Variants in PCDHA8 observed in about 807,000 individuals in gnomAD.
PCDHA8 encodes protocadherin alpha-8.
Under a neutral mutation model 61.8 loss-of-function variants are expected in PCDHA8, and 53 were observed. The ratio of observed to expected loss-of-function variants is 0.86; its 90% CI spans 0.69 to 1.08. PCDHA8 has a LOEUF of 1.08. Among genes scored for constraint, PCDHA8 ranks in the 50% least tolerant of loss-of-function variants. PCDHA8 has a pLI of 0.00. For synonymous variants in PCDHA8, 618 were observed against 556.6 expected (o/e 1.11, Z -1.55); for missense variants, 1,293 against 1,245.0 (o/e 1.04, Z -0.58).
chr5:140,928,468 G>A, intron 1 of PCDHA8: 1 of 1,614,154 alleles, frequency 6.2e-7, no homozygotes. Flanking sequence ...TTTCCAAGTA[G>A]AAGGCCGGGA....
At chr5:140,967,239 G>C in intron 1 of PCDHA8, 1 of 1,613,672 alleles carries the variant, frequency 6.2e-7, no homozygotes, top group Non-Finnish European at 8.5e-7. Flanking sequence ...CTTCAGGTAA[G>C]CGAATCGGTG....
At chr5:140,907,647 G>A (rs1336039908) in intron 1 of PCDHA8, among the ~76,000 whole-genome samples, 1 of 152,192 alleles carries the variant, frequency 6.6e-6, no homozygotes, top group East Asian at 1.9e-4. Flanking sequence ...CTGGCAAATT[G>A]GGCACTCAGC....
rs2150489798 is a variant in PCDHA8, at chr5:140,850,571, G to T, written c.2394+6856G>T. 5 of 1,598,430 alleles carry T rather than the reference G, an allele frequency of 3.1e-6. No individual in the cohort carries two copies. In the East Asian group the frequency reaches 1.1e-4, roughly 36 times the overall value. ...TGGGTGCCACGGGCCCCGAGGTGAC[G>T]CTGGTGGATGTCAACGTGTACCTGA... On this transcript the variant is annotated intron_variant, in intron 1 of 3. Coordinates refer to ENST00000531613, the MANE Select transcript of PCDHA8 (RefSeq NM_018911.3).
At chr5:140,989,565 G>A (rs782538666) in intron 3 of PCDHA8, among the ~76,000 whole-genome samples, 12 of 152,134 alleles carry the variant, frequency 7.9e-5, no homozygotes, top group South Asian at 4.1e-4. Context: ...TTGTGGCTCC[G>A]GCAAGCCCTG....
chr5:140,871,179 G>C (rs374404426), intron 1 of PCDHA8: 44 of 1,613,428 alleles, frequency 2.7e-5, no homozygotes, highest in Non-Finnish European at 3.5e-5. Context: ...AGGCTGCGCT[G>C]GTGGATGTCA....
rs2150422300 is a variant in PCDHA8, at chr5:140,848,837, G to T, written c.2394+5122G>T. On this transcript the variant is annotated intron_variant, in intron 1 of 3. Coordinates refer to ENST00000531613, the MANE Select transcript of PCDHA8 (RefSeq NM_018911.3). The stretch of plus-strand genomic sequence containing the variant: ...TGGAGGTGATCGTAGACAGGCCGCT[G>T]CAGGTTTTCCATGTGGACGTGGAGG... 11 of 1,590,342 alleles carry T rather than the reference G, an allele frequency of 6.9e-6. 1 individual carries two copies. Among genetic ancestry groups the T allele is most frequent in the Non-Finnish European group, 9.5e-6 (11 of 1,162,060 alleles).
In PCDHA8 at chr5:140,849,965, G is replaced by A. The variant is rs782084624; in HGVS notation, c.2394+6250G>A. Reference sequence around the variant, plus strand: ...CTGACGCGCAGGAGAACGCCCTGGTGTCCTACTCGCTGGTGGAGCGGCGGT... The same window carrying A: ...CTGACGCGCAGGAGAACGCCCTGGTATCCTACTCGCTGGTGGAGCGGCGGT... On this transcript the variant is annotated intron_variant, in intron 1 of 3. Coordinates refer to ENST00000531613, the MANE Select transcript of PCDHA8 (RefSeq NM_018911.3). The A allele has an allele frequency of 1.0e-5, 16 of 1,597,766 alleles. 2 individuals are homozygous for A. Among genetic ancestry groups the A allele is most frequent in the Non-Finnish European group, 1.3e-5 (15 of 1,167,924 alleles).
At chr5:140,927,470 G>T in intron 1 of PCDHA8, 3 of 1,614,054 alleles carry the variant, frequency 1.9e-6, no homozygotes, top group South Asian at 2.2e-5. Flanking sequence ...GCACTGGATC[G>T]CGAACAGCGC....
chr5:140,995,679 T>C (rs2153934903), intron 3 of PCDHA8, among the ~76,000 whole-genome samples: 1 of 152,322 alleles, frequency 6.6e-6, no homozygotes, highest in Non-Finnish European at 1.5e-5. Context: ...GCAGCATTTT[T>C]TTTAATTGTT....
chr5:140,865,125 A>T (rs1581734540), intron 1 of PCDHA8: 1 of 152,310 alleles, frequency 6.6e-6, no homozygotes, highest in East Asian at 1.9e-4. Flanking sequence ...GGTGTTAATT[A>T]TACCTTAGAA....
chr5:140,927,099 T>G lies in PCDHA8; in HGVS notation c.2395-51850T>G, dbSNP rs782352775. 10 of 1,613,434 alleles carry G rather than the reference T, an allele frequency of 6.2e-6. No homozygotes were observed. In the South Asian group the frequency reaches 7.7e-5, roughly 12 times the overall value. On this transcript the variant is annotated intron_variant, in intron 1 of 3. Coordinates refer to ENST00000531613, the MANE Select transcript of PCDHA8 (RefSeq NM_018911.3). The stretch of plus-strand genomic sequence containing the variant: ...ACCGCGAGCTCTACTTCGGGGTGGA[T>G]CTACCCAGCGGCAATTTGGTGGTCA...
chr5:140,862,826 G>A lies in PCDHA8; in HGVS notation c.2394+19111G>A, dbSNP rs112986835. ...CTGCTGCAGTTCTAGGTGAGAGCGCGCGACGCGGGCATGCCGCCTCTGAGC... is the reference window on the plus strand; with the variant it reads ...CTGCTGCAGTTCTAGGTGAGAGCGCACGACGCGGGCATGCCGCCTCTGAGC... On this transcript the variant is annotated intron_variant, in intron 1 of 3. Coordinates refer to ENST00000531613, the MANE Select transcript of PCDHA8 (RefSeq NM_018911.3). The A allele has an allele frequency of 1.9e-3, 1,106 of 575,060 alleles. 11 individuals carry two copies. Among genetic ancestry groups the A allele is most frequent in the African/African-American group, 0.019 (990 of 53,212 alleles). The allele number at this position is 575,060 out of a possible 1,614,324, so 35.6% of individuals were successfully genotyped here.
chr5:140,851,291 C>A, intron 1 of PCDHA8: 1 of 1,030,836 alleles, frequency 9.7e-7, no homozygotes, highest in Non-Finnish European at 1.2e-6. Context: ...GAAACCCAAG[C>A]AAAAATATAT....
At chr5:140,877,414 C>T (rs1554169712) in intron 1 of PCDHA8, 22 of 1,613,930 alleles carry the variant, frequency 1.4e-5, no homozygotes, top group Non-Finnish European at 1.8e-5. Context: ...CCACCGCCTG[C>T]TGGTGCTGGT....
At chr5:140,975,326 G>A (rs901942738) in intron 1 of PCDHA8, among the ~76,000 whole-genome samples, 2 of 152,216 alleles carry the variant, frequency 1.3e-5, no homozygotes, top group Non-Finnish European at 2.9e-5. Flanking sequence ...GTCCCATCCA[G>A]ATGATCTCCC....
At chr5:140,895,138 G>C (rs782496234) in intron 1 of PCDHA8, among the ~76,000 whole-genome samples, 14 of 151,944 alleles carry the variant, frequency 9.2e-5, no homozygotes, top group Non-Finnish European at 1.8e-4. Flanking sequence ...AAGTTCATAG[G>C]GCTAAGACAG....
At chr5:140,870,512 G>A in intron 1 of PCDHA8, 1 of 1,614,224 alleles carries the variant, frequency 6.2e-7, no homozygotes, top group Non-Finnish European at 8.5e-7. Flanking sequence ...AACCCACCAG[G>A]CTGCCACATC....
At chr5:140,882,172 T>C (rs1582596670) in intron 1 of PCDHA8, 2 of 1,514,998 alleles carry the variant, frequency 1.3e-6, no homozygotes, top group South Asian at 2.7e-5. Context: ...TGCGAATCCT[T>C]CCGCACTAGG....
At position 140,841,280 on chromosome 5, in the gene PCDHA8, T is replaced by C. The variant is rs2150312554; in HGVS notation, c.-42T>C. Reference sequence around the variant, plus strand: ...CTCTGAAAGTACAGTCGTTCATCTTTATATTAAGATAATATTTTCTGATAG... The same window carrying C: ...CTCTGAAAGTACAGTCGTTCATCTTCATATTAAGATAATATTTTCTGATAG... On this transcript the variant is annotated 5_prime_UTR_variant, in exon 1 of 4. Transcript: ENST00000531613. The C allele has an allele frequency of 2.7e-3, 4,162 of 1,542,382 alleles. 127 individuals are homozygous for C. The African/African-American group carries it at 0.05, about 19-fold the overall frequency.
Sources: allele counts gnomAD v4.1 joint callset (sites outside exome capture counted in the v4.1 genomes callset), GRCh38; gene constraint gnomAD v4.1.1; transcripts MANE v1.5; gene names NCBI Gene and HGNC (gene_info 2026-07-23, HGNC 2026-07-21).